Variants in ESR2 observed in about 807,000 individuals in gnomAD.
ESR2 encodes the protein estrogen receptor beta.
A neutral mutation model predicts 49.6 loss-of-function variants in ESR2; 36 were observed. The ratio of observed to expected loss-of-function variants is 0.73; its 90% CI spans 0.56 to 0.96. The LOEUF is 0.96. ESR2 is among the 40% of genes least tolerant of loss of function. The probability of loss-of-function intolerance (pLI) is 0.00; values close to 1 mark genes in which losing one functional copy is unlikely to be tolerated. For missense variants in ESR2, 714 were observed against 693.0 expected (o/e 1.03, Z -0.34); for synonymous variants, 320 against 266.1 (o/e 1.20, Z -1.97).
chr14:64,329,735 G>A (rs1390897480), intron 1 of ESR2: 1 of 152,220 alleles, frequency 6.6e-6, no homozygotes, highest in Admixed American at 6.5e-5. Flanking sequence ...AATACTAATT[G>A]CTAGGGAATG....
rs2077019083 is a variant in ESR2 at position 64,301,373 on chromosome 14, C to T, written c.-90-18298G>A. ...TAACTCCCAGAGCTCCTTACCAGGGCTAATTAGAGGGCGCTGATCTCCTCT... is the reference window on the plus strand; with the variant it reads ...TAACTCCCAGAGCTCCTTACCAGGGTTAATTAGAGGGCGCTGATCTCCTCT... On this transcript the variant is annotated intron_variant, in intron 1 of 8. Transcript: ENST00000358599. The T allele has an allele frequency of 2.6e-5, 4 of 152,306 alleles. No homozygotes were observed. The South Asian group carries it at 6.2e-4, about 24-fold the overall frequency. The allele number at this position is 152,306 out of a possible 1,614,324, so 9.4% of individuals were successfully genotyped here.
At chr14:64,311,122 A>G (rs1236531288) in intron 1 of ESR2, among the ~76,000 whole-genome samples, 1 of 152,214 alleles carries the variant, frequency 6.6e-6, no homozygotes. Flanking sequence ...TTACAGTGAA[A>G]GAATATTAAC....
chr14:64,275,699 T>C (rs1321665461), intron 3 of ESR2, among the ~76,000 whole-genome samples: 1 of 151,690 alleles, frequency 6.6e-6, no homozygotes, highest in Non-Finnish European at 1.5e-5. Flanking sequence ...TGAGACTCTG[T>C]CTCAAAAAAA....
chr14:64,299,273 T>G (rs1456578433), upstream of ESR2, among the ~76,000 whole-genome samples: 4 of 152,218 alleles, frequency 2.6e-5, no homozygotes, highest in African/African-American at 9.6e-5. Context: ...TTTCTACATC[T>G]TCTTGTAAAT....
intron 6 of ESR2, 138 bp from the exon 7 acceptor site, chr14:64,249,817 G>C: frequency 1.2e-6 from 1 of 825,610 alleles, no homozygotes. Context: ...ACTACAACAG[G>C]GTGTTAATGA....
upstream of ESR2, among the ~76,000 whole-genome samples, chr14:64,295,607 G>A (rs2076946495): frequency 6.6e-6 from 1 of 152,184 alleles, no homozygotes; most frequent in Non-Finnish European, 1.5e-5. Context: ...CGGGAAGAGT[G>A]TGTCGCTGGC....
intron 6 of ESR2, among the ~76,000 whole-genome samples, chr14:64,253,610 A>ATGTGTGTGTGTATATGTATG (rs1296316721): frequency 1.4e-4 from 16 of 110,578 alleles, no homozygotes; most frequent in African/African-American, 5.1e-4. Context: ...GTGTGTATGT[A>ATGTGTGTGTGTATATGTATG]TGTGTGTGTA....
At chr14:64,253,620 A>G (rs1256051) in intron 6 of ESR2, among the ~76,000 whole-genome samples, 35,808 of 137,764 alleles carry the variant, frequency 0.26, 6,362 homozygotes, top group East Asian at 0.52. Flanking sequence ...ATGTGTGTGT[A>G]TATATATATA....
At chr14:64,254,541 C>A (rs1223636570) in intron 6 of ESR2, among the ~76,000 whole-genome samples, 1 of 150,762 alleles carries the variant, frequency 6.6e-6, no homozygotes, top group Admixed American at 6.6e-5. Flanking sequence ...GAAGTCAGGA[C>A]CTCGAGACCA....
At chr14:64,255,992 C>T (rs1315526435) in intron 6 of ESR2, among the ~76,000 whole-genome samples, 1 of 152,242 alleles carries the variant, frequency 6.6e-6, no homozygotes, top group East Asian at 1.9e-4. Flanking sequence ...TGGGGCATCA[C>T]TCTTCATCTG....
intron 8 of ESR2, chr14:64,234,118 A>G (rs1248574778): frequency 1.3e-5 from 2 of 152,256 alleles, no homozygotes; most frequent in East Asian, 1.9e-4. Context: ...TAGCAAGCAG[A>G]TAAATTCACA....
At chr14:64,266,854 G>T (rs2076339817) in intron 4 of ESR2, among the ~76,000 whole-genome samples, 1 of 152,074 alleles carries the variant, frequency 6.6e-6, no homozygotes, top group African/African-American at 2.4e-5. Flanking sequence ...AGTCCTTTAA[G>T]ATTTTATTCA....
chr14:64,249,671 C>A lies in ESR2; in HGVS notation c.1100G>T (p.Gly367Val). 6.2e-7 allele frequency: 1 copy of A among 1,610,466 alleles called. No homozygotes were observed. The highest frequency in any genetic ancestry group is 1.1e-5 in the South Asian group (1 of 90,544). ...TTCCAGAATTCCTTCTACGCATTTCCCCTCATCCCTACAAAAGTTCGTTTG... is the reference window on the plus strand; with the variant it reads ...TTCCAGAATTCCTTCTACGCATTTCACCTCATCCCTACAAAAGTTCGTTTG... ...APDLVLDRDEGKCVEGILEIF... is the reference protein window; with the variant it reads ...APDLVLDRDEVKCVEGILEIF... The change falls in exon 7 of 9, where the codon GGG becomes GTG. Residue 367 changes from glycine to valine, a missense_variant. Physicochemically the swap from Gly to Val is moderately radical, Grantham distance 109. Coordinates refer to ENST00000341099, the MANE Select transcript of ESR2 (RefSeq NM_001437.3).
At chr14:64,306,658 T>C (rs1031799913) in intron 1 of ESR2, among the ~76,000 whole-genome samples, 2 of 152,238 alleles carry the variant, frequency 1.3e-5, no homozygotes, top group African/African-American at 4.8e-5. Flanking sequence ...TTGTCCTTTT[T>C]ACATATTGTT....
chr14:64,247,838 T>A (rs2075896484), intron 7 of ESR2, among the ~76,000 whole-genome samples: 1 of 152,136 alleles, frequency 6.6e-6, no homozygotes, highest in African/African-American at 2.4e-5. Context: ...TTTATAATGG[T>A]TAAAAAGGAA....
intron 7 of ESR2, among the ~76,000 whole-genome samples, chr14:64,237,175 T>C (rs967453023): frequency 1.4e-4 from 21 of 152,104 alleles, no homozygotes; most frequent in African/African-American, 4.1e-4. Context: ...CTGGCCAGGC[T>C]GGTCTCAAAC....
chr14:64,257,468 C>A, intron 5 of ESR2, 104 bp from the exon 6 acceptor site: 1 of 1,386,166 alleles, frequency 7.2e-7, no homozygotes, highest in Non-Finnish European at 9.8e-7. Context: ...AAAACACAAA[C>A]CATTAGGGAG....
At chr14:64,283,127 A>T in intron 1 of ESR2, 52 bp from the exon 2 acceptor site, 1 of 709,518 alleles carries the variant, frequency 1.4e-6, no homozygotes, top group East Asian at 2.7e-5. Flanking sequence ...GCTGTTAACT[A>T]TGAAAATTTA....
chr14:64,239,798 C>T (rs1486365565), intron 7 of ESR2, among the ~76,000 whole-genome samples: 1 of 152,240 alleles, frequency 6.6e-6, no homozygotes, highest in Non-Finnish European at 1.5e-5. Context: ...CCAAGTACCA[C>T]ACAACCTATA....
Sources: allele counts gnomAD v4.1 joint callset (sites outside exome capture counted in the v4.1 genomes callset), GRCh38; gene constraint gnomAD v4.1.1; transcripts MANE v1.5; gene names NCBI Gene and HGNC (gene_info 2026-07-23, HGNC 2026-07-21).